The following USP26 variants were observed in gnomAD, a reference collection of about 807,000 sequenced individuals.
USP26 encodes the protein ubiquitin specific peptidase 26, also known as ubiquitin carboxyl-terminal hydrolase 26.
For missense variants in USP26, 649 were observed against 642.3 expected, an observed-to-expected ratio of 1.01 and a Z score of -0.11; for synonymous variants, 236 against 240.6, an observed-to-expected ratio of 0.98 and a Z score of 0.18.
chrX:133,078,172 C>T (rs1008663727), intron 5 of USP26, among the ~76,000 whole-genome samples: 1 of 111,084 alleles, frequency 9.0e-6, no homozygotes. Flanking sequence ...CCCCCTTTGC[C>T]TTCCACTATG....
chrX:133,077,451 A>C (rs762163250), intron 5 of USP26, among the ~76,000 whole-genome samples: 2 of 112,095 alleles, frequency 1.8e-5, no homozygotes, highest in African/African-American at 6.5e-5. Context: ...AGCTGCAGCT[A>C]ACTAGTGAAG....
rs372172186 is a variant in USP26, at chrX:133,026,051, T to C, written c.2170A>G (p.Lys724Glu). The change falls in exon 6 of 6, where the codon AAA (lysine) becomes GAA (glutamate). Residue 724 changes from lysine (K) to glutamate (E), a missense_variant. By Grantham distance (56) the Lys-to-Glu change is moderately conservative. Transcript: ENST00000511190. ...INPTKDLYED[K>E]NIRIPERFQK... ...AATCTTTCTGGAATTCTGATATTTT[T>C]ATCTTCATACAAATCTTTAGTAGGA... is the stretch of plus-strand genomic sequence containing the variant. The C allele has an allele frequency of 8.3e-7, 1 of 1,208,297 alleles. No homozygotes were observed. The highest frequency in any genetic ancestry group is 1.1e-6 in the Non-Finnish European group (1 of 894,244).
In USP26 at chrX:133,065,159, C is replaced by T. The variant is rs183835815; in HGVS notation, c.-77+18548G>A. Reference sequence around the variant, plus strand: ...GGATGAATTCCTGGACACATACACCCGCCCCAAGACTAAACCAGGAAGAAG... The same window carrying T: ...GGATGAATTCCTGGACACATACACCTGCCCCAAGACTAAACCAGGAAGAAG... On this transcript the variant is annotated intron_variant, in intron 5 of 5. Transcript: ENST00000511190. 7.2e-5 allele frequency among the ~76,000 whole-genome samples: 8 copies of T among 111,315 alleles called. No homozygotes were observed. In the South Asian group the frequency reaches 2.7e-3, roughly 37 times the overall value.
At chrX:133,045,586 CAAG>C (rs2067436313) in intron 5 of USP26, among the ~76,000 whole-genome samples, 1 of 111,830 alleles carries the variant, frequency 8.9e-6, no homozygotes, top group African/African-American at 3.2e-5. Flanking sequence ...CTGAAGCCAT[CAAG>C]ACCACGAACC....
intron 1 of USP26, 73 bp downstream of exon 1, chrX:133,096,957 C>T (rs1454094041): frequency 8.9e-6 from 1 of 112,528 alleles, no homozygotes; most frequent in Non-Finnish European, 1.9e-5. Flanking sequence ...TTTCATATAG[C>T]CACATATAGA....
intron 5 of USP26, among the ~76,000 whole-genome samples, chrX:133,075,842 T>C (rs2067546486): frequency 8.9e-6 from 1 of 111,860 alleles, no homozygotes; most frequent in Non-Finnish European, 1.9e-5. Context: ...AATCCTATTC[T>C]AGCTTAATAG....
rs1458560430 is a variant in USP26 at position 133,026,520 on chromosome X, A to G, written c.1701T>C (p.Ile567=). Residue 567 remains isoleucine, a synonymous_variant, in exon 6 of 6, where the codon ATT becomes ATC. Coordinates refer to ENST00000511190, the MANE Select transcript of USP26 (RefSeq NM_031907.3). ...PPLPLSEDGE[I]TDFQLLKVIR... Reference sequence around the variant, plus strand: ...TAACTTTTAATAATTGGAAATCTGTAATTTCTCCATCCTCACTCAAGGGAA... The same window carrying G: ...TAACTTTTAATAATTGGAAATCTGTGATTTCTCCATCCTCACTCAAGGGAA... 2.5e-6 allele frequency: 3 copies of G among 1,209,481 alleles called. No homozygotes were observed. Among genetic ancestry groups the G allele is most frequent in the Non-Finnish European group, 2.2e-6 (2 of 894,782 alleles).
rs139176700 is a variant in USP26 at position 133,027,431 on chromosome X, A to G, written c.790T>C (p.Leu264=). The change falls in exon 6 of 6, where the codon TTG becomes CTG. Residue 264 remains leucine, a synonymous_variant. Transcript: ENST00000511190. ...LLQALTEKMV[L]VFLLQQGYSD... is the part of the protein sequence containing the mutation. ...TACCCTTGTTGTAACAGAAATACCA[A>G]AACCATTTTCTCAGTGAGAGCTTGG... 340 of 1,209,773 alleles carry G rather than the reference A, an allele frequency of 2.8e-4. No individual in the cohort carries two copies. The highest frequency in any genetic ancestry group is 3.7e-4 in the Non-Finnish European group (330 of 894,871).
At chrX:133,057,862 A>ATT (rs2067480801) in intron 5 of USP26, among the ~76,000 whole-genome samples, 3 of 17,924 alleles carry the variant, frequency 1.7e-4, no homozygotes, top group Admixed American at 1.3e-3. Context: ...ATATATATAT[A>ATT]TATATTTTTT....
At chrX:133,086,650 G>T (rs187648880) in intron 4 of USP26, among the ~76,000 whole-genome samples, 1 of 110,703 alleles carries the variant, frequency 9.0e-6, no homozygotes, top group African/African-American at 3.3e-5. Context: ...AGTGGCTCAC[G>T]CCTGTAATCC....
intron 5 of USP26, among the ~76,000 whole-genome samples, chrX:133,043,038 T>A (rs2067425306): frequency 9.0e-6 from 1 of 111,646 alleles, no homozygotes; most frequent in Non-Finnish European, 1.9e-5. Context: ...GTTAGTTTGG[T>A]GTCAATAAAC....
rs144638779 is a variant in USP26, at chrX:133,049,996, T to C, written c.-76-21700A>G. ...CATTTCCCATTTACTATTTGTAAAA[T>C]AGCCCACTTAAATAAATGACCAAAG... is the stretch of plus-strand genomic sequence containing the variant. On this transcript the variant is annotated intron_variant, in intron 5 of 5. Transcript: ENST00000511190. Among the ~76,000 whole-genome samples, 674 of 112,554 alleles carry C rather than the reference T, an allele frequency of 6.0e-3. 2 individuals are homozygous for C. The highest frequency in any genetic ancestry group is 0.019 in the African/African-American group (587 of 31,029).
intron 5 of USP26, among the ~76,000 whole-genome samples, chrX:133,054,005 T>A (rs1296243186): frequency 2.7e-5 from 3 of 111,221 alleles, no homozygotes; most frequent in Non-Finnish European, 3.8e-5. Flanking sequence ...GTACAAGGAG[T>A]TGTGCTGGGC....
chrX:133,054,147 G>T (rs1343059477), intron 5 of USP26, among the ~76,000 whole-genome samples: 6 of 111,733 alleles, frequency 5.4e-5, no homozygotes, highest in Non-Finnish European at 1.1e-4. Flanking sequence ...TGTTCTAGGG[G>T]TTATGCTTCC....
chrX:133,027,306 A>G lies in USP26; in HGVS notation c.915T>C (p.Tyr305=), dbSNP rs764180697. 8.3e-7 allele frequency: 1 copy of G among 1,211,160 alleles called. No individual in the cohort carries two copies. The highest frequency in any genetic ancestry group is 1.1e-6 in the Non-Finnish European group (1 of 894,773). Residue 305 remains tyrosine (Y), a synonymous_variant, in exon 6 of 6, where the codon TAT becomes TAC. Transcript: ENST00000511190. ...HGLPNLGNTC[Y]MNAVLQSLLS... The stretch of plus-strand genomic sequence containing the variant: ...GTAGAGACTGTAACACTGCATTCAT[A>G]TAACAGGTGTTTCCCAAATTGGGGA...
At chrX:133,078,032 C>T (rs779058804) in intron 5 of USP26, among the ~76,000 whole-genome samples, 5 of 110,911 alleles carry the variant, frequency 4.5e-5, no homozygotes, top group Non-Finnish European at 9.4e-5. Context: ...TGCAGTGAGT[C>T]GTGATCATGT....
rs1282447794 is a variant in USP26, at chrX:133,061,470, A to T, written c.-77+22237T>A. Among the ~76,000 whole-genome samples the T allele has an allele frequency of 3.5e-5, 4 of 112,784 alleles. No individual in the cohort carries two copies. In the Admixed American group the frequency reaches 3.7e-4, roughly 11 times the overall value. ...TAATGATTGTAAAGTGAGGAATGGC[A>T]TGTGAAATGTTTGCCCTAATAAGAG... is the stretch of plus-strand genomic sequence containing the variant. On this transcript the variant is annotated intron_variant, in intron 5 of 5. Coordinates refer to ENST00000511190, the MANE Select transcript of USP26 (RefSeq NM_031907.3).
intron 5 of USP26, among the ~76,000 whole-genome samples, chrX:133,077,368 C>T (rs1176178812): frequency 8.9e-6 from 1 of 112,001 alleles, no homozygotes; most frequent in Non-Finnish European, 1.9e-5. Flanking sequence ...CTACCCTAAT[C>T]TGTGAGCTGA....
At position 133,027,274 on chromosome X, in the gene USP26, A is replaced by G. The variant is rs1254636924; in HGVS notation, c.947T>C (p.Ile316Thr). 8.3e-7 allele frequency: 1 copy of G among 1,211,685 alleles called. No individual in the cohort carries two copies. Among genetic ancestry groups the G allele is most frequent in the Admixed American group, 2.2e-5 (1 of 45,995 alleles). ...MNAVLQSLLS[I>T]PSFADDLLNQ... Reference sequence around the variant, plus strand: ...AAGTAAATCATCAGCAAACGATGGGATTGAAAGTAGAGACTGTAACACTGC... The same window carrying G: ...AAGTAAATCATCAGCAAACGATGGGGTTGAAAGTAGAGACTGTAACACTGC... The change falls in exon 6 of 6, where the codon ATC becomes ACC. Residue 316 changes from isoleucine to threonine, a missense_variant. Coordinates refer to ENST00000511190, the MANE Select transcript of USP26 (RefSeq NM_031907.3).
Sources: allele counts gnomAD v4.1 joint callset (sites outside exome capture counted in the v4.1 genomes callset), GRCh38; gene constraint gnomAD v4.1.1; transcripts MANE v1.5; gene names NCBI Gene and HGNC (gene_info 2026-07-23, HGNC 2026-07-21).